CCDC3: variants seen among roughly 807,000 people sequenced by gnomAD.
CCDC3 encodes coiled-coil domain-containing protein 3.
CCDC3 carries 24 observed loss-of-function variants against 21.4 expected under a neutral mutation model. The ratio of observed to expected loss-of-function variants is 1.12; its 90% CI spans 0.81 to 1.58. CCDC3 has a LOEUF of 1.58. CCDC3 is among the 40% of genes most tolerant of loss of function. CCDC3 has a pLI of 0.00. For synonymous variants in CCDC3, 186 were observed against 166.0 expected (o/e 1.12, Z -0.93); for missense variants, 425 against 360.9 (o/e 1.18, Z -1.44).
At chr10:12,994,993 A>G (rs1199129791) in intron 2 of CCDC3, among the ~76,000 whole-genome samples, 1 of 151,980 alleles carries the variant, frequency 6.6e-6, no homozygotes, top group African/African-American at 2.4e-5. Flanking sequence ...AGGCAGGAGA[A>G]TCACTTGAAC....
chr10:12,972,634 T>C (rs1314156595), intron 2 of CCDC3, among the ~76,000 whole-genome samples: 1 of 152,078 alleles, frequency 6.6e-6, no homozygotes, highest in African/African-American at 2.4e-5. Flanking sequence ...CTGACCAACA[T>C]GGTGAAACCC....
At chr10:13,052,980 AC>A (rs1836631334) in intron 4 of CCDC3, among the ~76,000 whole-genome samples, 2 of 85,972 alleles carry the variant, frequency 2.3e-5, no homozygotes, top group Non-Finnish European at 5.3e-5. Context: ...ACACACACAC[AC>A]ACACATACAC....
chr10:13,061,022 G>T (rs1659839), intron 4 of CCDC3, among the ~76,000 whole-genome samples: 88,278 of 152,038 alleles, frequency 0.58, 26,437 homozygotes, highest in African/African-American at 0.73. Context: ...TTAAATCCTT[G>T]TTCCATAATT....
intron 2 of CCDC3, among the ~76,000 whole-genome samples, chr10:12,931,623 A>C (rs1205115662): frequency 6.6e-6 from 1 of 152,240 alleles, no homozygotes; most frequent in Admixed American, 6.5e-5. Flanking sequence ...TGGTGTTCTG[A>C]GAGTCATTCC....
chr10:13,034,529 A>C (rs1836351470), intron 5 of CCDC3, among the ~76,000 whole-genome samples: 1 of 151,758 alleles, frequency 6.6e-6, no homozygotes, highest in African/African-American at 2.4e-5. Context: ...AGATCTTAAA[A>C]AAAAAAAAAA....
intron 2 of CCDC3, among the ~76,000 whole-genome samples, chr10:12,900,893 C>G (rs1834082587): frequency 6.6e-6 from 1 of 152,064 alleles, no homozygotes; most frequent in Non-Finnish European, 1.5e-5. Flanking sequence ...CCAGAACCCA[C>G]TTCAGTACTA....
intron 2 of CCDC3, among the ~76,000 whole-genome samples, chr10:12,922,534 G>A (rs912876613): frequency 3.3e-5 from 5 of 152,130 alleles, no homozygotes; most frequent in African/African-American, 1.2e-4. Context: ...AGGCTTGTAA[G>A]GTCCCAGCAC....
At chr10:13,042,425 G>A (rs1264993687) in intron 5 of CCDC3, among the ~76,000 whole-genome samples, 4 of 152,236 alleles carry the variant, frequency 2.6e-5, no homozygotes. Context: ...TCCATAAGGT[G>A]GTCCCATGGC....
At chr10:13,032,919 A>C (rs1039078360) in intron 5 of CCDC3, among the ~76,000 whole-genome samples, 5 of 152,196 alleles carry the variant, frequency 3.3e-5, no homozygotes, top group African/African-American at 1.2e-4. Context: ...ATACTGCCCA[A>C]GGTAATTTAT....
intron 4 of CCDC3, among the ~76,000 whole-genome samples, chr10:13,060,288 G>A (rs1397848694): frequency 2.0e-5 from 3 of 152,092 alleles, no homozygotes; most frequent in Non-Finnish European, 4.4e-5. Context: ...TCAAGATGGC[G>A]TCTGAATTCA....
intron 2 of CCDC3, among the ~76,000 whole-genome samples, chr10:12,926,927 CATTT>C (rs1834550636): frequency 6.6e-6 from 1 of 152,042 alleles, no homozygotes; most frequent in African/African-American, 2.4e-5. Context: ...AAACTCAGAG[CATTT>C]ATTTAGCACT....
intron 2 of CCDC3, among the ~76,000 whole-genome samples, chr10:12,945,681 T>A (rs1325254494): frequency 6.6e-6 from 1 of 152,256 alleles, no homozygotes; most frequent in Admixed American, 6.5e-5. Context: ...CTTTACCTTT[T>A]AAGTAATTGG....
chr10:13,026,685 A>G (rs182419188), intron 5 of CCDC3, among the ~76,000 whole-genome samples: 1 of 152,216 alleles, frequency 6.6e-6, no homozygotes, highest in East Asian at 1.9e-4. Flanking sequence ...ATTGTTTTTT[A>G]AAGAGATTTA....
intron 2 of CCDC3, among the ~76,000 whole-genome samples, chr10:12,987,487 G>A (rs943264004): frequency 2.6e-5 from 4 of 152,068 alleles, no homozygotes; most frequent in African/African-American, 9.7e-5. Flanking sequence ...ATAAACCACA[G>A]TAGGTATATT....
At chr10:12,990,221 C>T (rs1224179732) in intron 2 of CCDC3, among the ~76,000 whole-genome samples, 2 of 149,202 alleles carry the variant, frequency 1.3e-5, no homozygotes, top group South Asian at 2.1e-4. Flanking sequence ...AGCGCCACTA[C>T]TGCACTCTGG....
chr10:13,001,594 GGGC>G lies in CCDC3; in HGVS notation c.-27_-25del. The stretch of plus-strand genomic sequence containing the variant: ...ATGCCGGGCCCTCCCGGGGCGCACG[GGGC>G]GGCGGCGGGGAGCCCGGGGAGCCCG... On this transcript the variant is annotated 5_prime_UTR_variant, in exon 1 of 3. Coordinates refer to ENST00000378825, the MANE Select transcript of CCDC3 (RefSeq NM_031455.4). 8.6e-7 allele frequency: 1 copy of G among 1,160,176 alleles called. No homozygotes were observed. The highest frequency in any genetic ancestry group is 4.0e-5 in the East Asian group (1 of 24,770). 71.9% of individuals were successfully genotyped at this position (1,160,176 alleles called of 1,614,324 possible). A position where few individuals can be genotyped will look rare whatever the true frequency, so the allele number is the denominator to read the frequency against.
At chr10:13,035,955 C>G (rs1394811538) in intron 5 of CCDC3, among the ~76,000 whole-genome samples, 1 of 152,086 alleles carries the variant, frequency 6.6e-6, no homozygotes, top group African/African-American at 2.4e-5. Flanking sequence ...AGCATCCCGG[C>G]TAACATGGTG....
intron 2 of CCDC3, among the ~76,000 whole-genome samples, chr10:12,918,821 A>T (rs1178930938): frequency 6.6e-6 from 1 of 152,290 alleles, no homozygotes; most frequent in East Asian, 1.9e-4. Context: ...TGGGAGGCCG[A>T]GGCAGGTGGA....
chr10:12,999,484 C>T (rs987980237), intron 1 of CCDC3, among the ~76,000 whole-genome samples: 7 of 152,288 alleles, frequency 4.6e-5, no homozygotes, highest in African/African-American at 1.4e-4. Context: ...AGCAAGTCTC[C>T]GTTGCCACCC....
Sources: gnomAD v4.1 joint callset for allele counts (sites outside exome capture counted in the v4.1 genomes callset) on GRCh38, gnomAD v4.1.1 for gene constraint, MANE v1.5 for transcripts, NCBI Gene and HGNC (gene_info 2026-07-23, HGNC 2026-07-21) for gene names.